RORA: variants seen among roughly 807,000 people sequenced by gnomAD.
RORA encodes nuclear receptor ROR-alpha.
Under a neutral mutation model 69.5 loss-of-function variants are expected in RORA, and 7 were observed. The ratio of observed to expected loss-of-function variants is 0.10; its 90% CI spans 0.06 to 0.19. RORA has a LOEUF of 0.19. RORA is among the 10% of genes least tolerant of loss of function. RORA has a pLI of 1.00. For synonymous variants in RORA, 261 were observed against 240.8 expected (o/e 1.08, Z -0.78); for missense variants, 457 against 663.0 (o/e 0.69, Z 3.41).
intron 2 of RORA, among the ~76,000 whole-genome samples, chr15:60,638,888 C>T (rs559084563): frequency 1.1e-4 from 16 of 152,256 alleles, no homozygotes; most frequent in African/African-American, 3.9e-4. Context: ...TCCCATTTTA[C>T]TTTAATGGTC....
In RORA at chr15:60,718,639, T is replaced by A. The variant is rs185481172; in HGVS notation, c.167-39953A>T. The stretch of plus-strand genomic sequence containing the variant: ...TTTAAAAGACTAACTAGAGCCAGAG[T>A]GGAGTAGTGAGAAATTAATACACAA... On this transcript the variant is annotated intron_variant, in intron 1 of 10. Coordinates refer to ENST00000335670, the MANE Select transcript of RORA (RefSeq NM_134261.3). Among the ~76,000 whole-genome samples the A allele has an allele frequency of 7.9e-5, 12 of 152,086 alleles. No individual in the cohort carries two copies. In the East Asian group the frequency reaches 1.7e-3, roughly 22 times the overall value.
At chr15:61,182,871 G>A (rs1403677686) in intron 1 of RORA, 2 of 152,316 alleles carry the variant, frequency 1.3e-5, no homozygotes, top group African/African-American at 2.4e-5. Flanking sequence ...CTTTAACCAG[G>A]AGAAAATGCC....
At position 60,904,092 on chromosome 15, in the gene RORA, T is replaced by C. The variant is rs80267736; in HGVS notation, c.167-225406A>G. Among the ~76,000 whole-genome samples the C allele has an allele frequency of 9.7e-3, 1,477 of 152,332 alleles. 19 individuals are homozygous for C. Among genetic ancestry groups the C allele is most frequent in the African/African-American group, 0.033 (1,383 of 41,564 alleles). On this transcript the variant is annotated intron_variant, in intron 1 of 10. Transcript: ENST00000335670. The stretch of plus-strand genomic sequence containing the variant: ...GCAGAGCAGTTAGTAGGTATCGGTG[T>C]CCTTTGTAGTGGTTCAAATAACATA...
chr15:60,801,907 A>G (rs910988805), intron 1 of RORA, among the ~76,000 whole-genome samples: 15 of 152,186 alleles, frequency 9.9e-5, no homozygotes, highest in African/African-American at 3.6e-4. Flanking sequence ...GTTTTCACAT[A>G]TATTTCATCT....
At chr15:61,005,100 G>T (rs1385655340) in intron 1 of RORA, among the ~76,000 whole-genome samples, 1 of 152,204 alleles carries the variant, frequency 6.6e-6, no homozygotes, top group Non-Finnish European at 1.5e-5. Context: ...GCATTGTTTA[G>T]CAAATTGATG....
intron 1 of RORA, among the ~76,000 whole-genome samples, chr15:60,911,871 T>TTTG (rs1205310068): frequency 6.6e-6 from 1 of 151,274 alleles, no homozygotes; most frequent in Non-Finnish European, 1.5e-5. Flanking sequence ...TTTTTTTTTT[T>TTTG]TGTATTTTTA....
intron 1 of RORA, among the ~76,000 whole-genome samples, chr15:61,017,413 G>A (rs1895335942): frequency 6.6e-6 from 1 of 152,168 alleles, no homozygotes; most frequent in Admixed American, 6.5e-5. Flanking sequence ...ATTAAGATAT[G>A]CTGAGAGCCT....
chr15:60,828,714 G>A lies in RORA; in HGVS notation c.167-150028C>T, dbSNP rs569036112. ...AGAAAGTAATAAAAGTCAAGTCTTC[G>A]TTAATAGCTTCTCTAAGGACCACCT... On this transcript the variant is annotated intron_variant, in intron 1 of 10. Transcript: ENST00000335670. 3.3e-5 allele frequency among the ~76,000 whole-genome samples: 5 copies of A among 152,272 alleles called. No individual in the cohort carries two copies. The South Asian group carries it at 6.2e-4, about 19-fold the overall frequency.
chr15:60,732,758 C>T (rs1409154896), intron 1 of RORA, among the ~76,000 whole-genome samples: 1 of 152,106 alleles, frequency 6.6e-6, no homozygotes, highest in Admixed American at 6.6e-5. Flanking sequence ...TACCCTGACA[C>T]GTGAACAGTT....
chr15:60,980,051 C>G (rs1273768943), intron 1 of RORA, among the ~76,000 whole-genome samples: 1 of 152,088 alleles, frequency 6.6e-6, no homozygotes, highest in Non-Finnish European at 1.5e-5. Context: ...AGGAAGTTCC[C>G]TTCTATTTCT....
At chr15:61,201,878 C>T (rs2079898000) in intron 1 of RORA, among the ~76,000 whole-genome samples, 1 of 152,156 alleles carries the variant, frequency 6.6e-6, no homozygotes, top group Non-Finnish European at 1.5e-5. Flanking sequence ...ATGGAAAACA[C>T]AAAGAACAAA....
chr15:61,067,592 T>C (rs903418828), intron 1 of RORA, among the ~76,000 whole-genome samples: 1 of 152,222 alleles, frequency 6.6e-6, no homozygotes, highest in African/African-American at 2.4e-5. Context: ...TTGTTATTTC[T>C]TTCCTCTTCA....
chr15:61,123,375 T>C (rs2079119141), intron 1 of RORA, among the ~76,000 whole-genome samples: 1 of 152,212 alleles, frequency 6.6e-6, no homozygotes, highest in Non-Finnish European at 1.5e-5. Flanking sequence ...AGCTAAAGCT[T>C]GCAAATACAC....
At chr15:60,951,000 C>A (rs941121102) in intron 1 of RORA, among the ~76,000 whole-genome samples, 134 of 150,804 alleles carry the variant, frequency 8.9e-4, no homozygotes, top group Non-Finnish European at 1.5e-3. Flanking sequence ...TTTTCAGCAC[C>A]ACACCACACC....
intron 1 of RORA, among the ~76,000 whole-genome samples, chr15:60,792,289 G>A (rs1325178758): frequency 6.6e-6 from 1 of 152,136 alleles, no homozygotes; most frequent in East Asian, 1.9e-4. Flanking sequence ...AGAGTGAACA[G>A]AGCCTCAGTG....
At chr15:60,707,586 A>G (rs920871940) in intron 1 of RORA, among the ~76,000 whole-genome samples, 17 of 151,958 alleles carry the variant, frequency 1.1e-4, no homozygotes, top group African/African-American at 4.1e-4. Flanking sequence ...GATGGTCTCG[A>G]TCTCCTGACC....
intron 1 of RORA, among the ~76,000 whole-genome samples, chr15:60,796,848 C>T (rs2072505298): frequency 6.6e-6 from 1 of 151,708 alleles, no homozygotes; most frequent in African/African-American, 2.4e-5. Context: ...GAATATTATT[C>T]AGCCACAAAA....
At chr15:60,675,805 T>A (rs1328455682) in intron 2 of RORA, among the ~76,000 whole-genome samples, 1 of 152,224 alleles carries the variant, frequency 6.6e-6, no homozygotes, top group African/African-American at 2.4e-5. Context: ...TATGTGCACC[T>A]CTGTCTTGTG....
In RORA at chr15:60,511,444, C is replaced by G; in HGVS notation, c.602G>C (p.Ser201Thr). The G allele has an allele frequency of 1.2e-6, 2 of 1,614,160 alleles. No homozygotes were observed. The highest frequency in any genetic ancestry group is 1.7e-6 in the Non-Finnish European group (2 of 1,180,028). ...AGGGGTGTGCCCGTCAATGTAGTTACTGAGGTCGTCGTGAAGTTCCGTCAG... is the reference window on the plus strand; with the variant it reads ...AGGGGTGTGCCCGTCAATGTAGTTAGTGAGGTCGTCGTGAAGTTCCGTCAG... Reference protein sequence around the residue: ...NGLTELHDDLSNYIDGHTPEG... With the variant: ...NGLTELHDDLTNYIDGHTPEG... The change falls in exon 5 of 11, where the codon AGT becomes ACT. Residue 201 changes from serine (S) to threonine (T), a missense_variant. Physicochemically the swap from Ser to Thr is moderately conservative, Grantham distance 58 (BLOSUM62 1). Around this residue, in one of 3 missense-constraint regions of RORA, gnomAD observed 304 missense variants for 447.4 expected, o/e 0.68. Coordinates refer to ENST00000335670, the MANE Select transcript of RORA (RefSeq NM_134261.3). The surrounding 1 kb of genome is among the most constrained non-coding windows in gnomAD (Gnocchi z 6.4).
Sources: allele counts gnomAD v4.1 joint callset (sites outside exome capture counted in the v4.1 genomes callset), GRCh38; gene constraint gnomAD v4.1.1; regional missense constraint gnomAD v4.1.1; non-coding constraint Gnocchi (gnomAD v3.1); transcripts MANE v1.5; gene names NCBI Gene and HGNC (gene_info 2026-07-23, HGNC 2026-07-21).